VPS41: variants seen among roughly 807,000 people sequenced by gnomAD.
VPS41 encodes vacuolar protein sorting-associated protein 41 homolog.
VPS41 carries 85 observed loss-of-function variants against 130.9 expected under a neutral mutation model. That is an observed-to-expected ratio of 0.65 (90% CI 0.55 to 0.78). The LOEUF (loss-of-function observed/expected upper bound fraction) is 0.78, where lower values mean the gene tolerates loss of function less well. VPS41 is among the 30% of genes least tolerant of loss of function. The pLI is 0.00. For synonymous variants in VPS41, 335 were observed against 332.9 expected, an observed-to-expected ratio of 1.01 and a Z score of -0.07; for missense variants, 874 against 1,018.7, an observed-to-expected ratio of 0.86 and a Z score of 1.93.
intron 27 of VPS41, 96 bp downstream of exon 27, chr7:38,728,446 A>G (rs770270509): frequency 5.3e-6 from 7 of 1,308,836 alleles, no homozygotes; most frequent in South Asian, 3.5e-5. Flanking sequence ...TGAAAGTTAT[A>G]TAGTTTTATA....
At chr7:38,874,338 TG>T (rs1224228378) in intron 2 of VPS41, among the ~76,000 whole-genome samples, 1 of 152,140 alleles carries the variant, frequency 6.6e-6, no homozygotes, top group Admixed American at 6.5e-5. Context: ...AAATCCATTT[TG>T]TTTTGTTTTT....
intron 10 of VPS41, among the ~76,000 whole-genome samples, chr7:38,784,293 A>G (rs935267325): frequency 6.6e-6 from 1 of 152,142 alleles, no homozygotes; most frequent in African/African-American, 2.4e-5. Flanking sequence ...GGAAGATAAG[A>G]GAAGTAGGAA....
intron 1 of VPS41, among the ~76,000 whole-genome samples, chr7:38,905,741 T>C (rs779591640): frequency 8.5e-5 from 13 of 152,224 alleles, no homozygotes; most frequent in Non-Finnish European, 1.8e-4. Context: ...TGCCAAGTTT[T>C]CTAAAAAGTT....
In VPS41 at chr7:38,726,102, C is replaced by G; in HGVS notation, c.*144G>C. 1.6e-6 allele frequency: 1 copy of G among 628,936 alleles called. No individual in the cohort carries two copies. The highest frequency in any genetic ancestry group is 2.8e-6 in the Non-Finnish European group (1 of 354,960). 39.0% of individuals were successfully genotyped at this position (628,936 alleles called of 1,614,324 possible). ...GAACTGCAAAGAGAAACCATTAGTACAGGAATAGATGAAGAAATTGTTTTT... is the reference window on the plus strand; with the variant it reads ...GAACTGCAAAGAGAAACCATTAGTAGAGGAATAGATGAAGAAATTGTTTTT... On this transcript the variant is annotated 3_prime_UTR_variant, in exon 29 of 29. Transcript: ENST00000310301.
intron 4 of VPS41, among the ~76,000 whole-genome samples, chr7:38,851,358 C>T (rs1249627810): frequency 1.3e-5 from 2 of 152,206 alleles, no homozygotes; most frequent in Non-Finnish European, 2.9e-5. Context: ...CACTGATCTG[C>T]TTTCTTTGAC....
intron 7 of VPS41, among the ~76,000 whole-genome samples, chr7:38,817,370 G>A (rs1048672273): frequency 1.4e-4 from 21 of 152,280 alleles, no homozygotes; most frequent in Middle Eastern, 3.4e-3. Flanking sequence ...TTGGGAGGCC[G>A]AGGAGAGCAG....
intron 2 of VPS41, among the ~76,000 whole-genome samples, chr7:38,872,359 T>C (rs1289285165): frequency 6.6e-6 from 1 of 152,202 alleles, no homozygotes; most frequent in Non-Finnish European, 1.5e-5. Context: ...ATTTCTACAA[T>C]ATCCTTTCAG....
intron 22 of VPS41, among the ~76,000 whole-genome samples, chr7:38,746,538 T>C (rs1485607504): frequency 6.6e-6 from 1 of 151,900 alleles, no homozygotes; most frequent in Middle Eastern, 3.2e-3. Flanking sequence ...TATTCCACGA[T>C]TAGAGTAACA....
In VPS41 at chr7:38,795,559, C is replaced by T. The variant is rs758146217; in HGVS notation, c.623G>A (p.Arg208Gln). The T allele has an allele frequency of 7.8e-5, 126 of 1,613,110 alleles. No homozygotes were observed. Among genetic ancestry groups the T allele is most frequent in the Non-Finnish European group, 1.1e-4 (124 of 1,179,470 alleles). Residue 208 changes from arginine to glutamine, a missense_variant, in exon 9 of 29, where the codon CGG becomes CAG. Physicochemically the swap from Arg to Gln is conservative, Grantham distance 43. Transcript: ENST00000310301. Reference protein sequence around the residue: ...ISKQRITNVPRDDISLRPDMY... With the variant: ...ISKQRITNVPQDDISLRPDMY... ...GTCTGGGCGAAGACTTATATCATCC[C>T]GGGGCACATTGGTGATTCTTTGCTT... is the stretch of plus-strand genomic sequence containing the variant.
chr7:38,728,204 A>G lies in VPS41; in HGVS notation c.2404+338T>C, dbSNP rs1424288073. 8 of 479,666 alleles carry G rather than the reference A, an allele frequency of 1.7e-5. No homozygotes were observed. In the East Asian group the frequency reaches 2.8e-4, roughly 17 times the overall value. The allele number at this position is 479,666 out of a possible 1,614,324, so 29.7% of individuals were successfully genotyped here. Reference sequence around the variant, plus strand: ...AAAGAAGGGCCCCTGAACCAGTGGCATCAACATTACCTGGGAACTTGTTAG... The same window carrying G: ...AAAGAAGGGCCCCTGAACCAGTGGCGTCAACATTACCTGGGAACTTGTTAG... On this transcript the variant is annotated intron_variant, in intron 27 of 28. Transcript: ENST00000310301.
chr7:38,765,754 G>A, intron 15 of VPS41, 93 bp from the exon 16 acceptor site: 3 of 762,560 alleles, frequency 3.9e-6, no homozygotes, highest in Non-Finnish European at 6.2e-6. Context: ...TTCCCCAGAG[G>A]TTTAGAGAAA....
chr7:38,768,175 T>C (rs1419536848), intron 14 of VPS41, among the ~76,000 whole-genome samples: 2 of 152,228 alleles, frequency 1.3e-5, no homozygotes, highest in African/African-American at 2.4e-5. Context: ...TATTCATGTT[T>C]ATTCGCTTAT....
At chr7:38,836,190 C>G (rs1785489793) in intron 4 of VPS41, among the ~76,000 whole-genome samples, 1 of 151,868 alleles carries the variant, frequency 6.6e-6, no homozygotes, top group Non-Finnish European at 1.5e-5. Context: ...CTATATTACT[C>G]AAATTCTTTT....
chr7:38,844,434 G>C (rs1271435619), intron 4 of VPS41, among the ~76,000 whole-genome samples: 2 of 152,114 alleles, frequency 1.3e-5, no homozygotes, highest in East Asian at 1.9e-4. Flanking sequence ...GGAAACTTTA[G>C]CCACTTAAAC....
At position 38,870,739 on chromosome 7, in the gene VPS41, CAAAAAAAAAAAA is replaced by C. The variant is rs70977434; in HGVS notation, c.61-1498_61-1487del. ...TTTAAAATAACTATGACTATATGTT[CAAAAAAAAAAAA>C]AAAAAAAAAAAAACAGAAAAAGACA... On this transcript the variant is annotated intron_variant, in intron 2 of 28. Transcript: ENST00000310301. Among the ~76,000 whole-genome samples, 18 of 29,746 alleles carry C rather than the reference CAAAAAAAAAAAA, an allele frequency of 6.1e-4. No homozygotes were observed. The South Asian group carries it at 0.011, about 18-fold the overall frequency. 19.5% of individuals were successfully genotyped at this position (29,746 alleles called of 152,430 possible). A position where few individuals can be genotyped will look rare whatever the true frequency, so the allele number is the denominator to read the frequency against.
At chr7:38,765,723 G>A (rs1228498137) in intron 15 of VPS41, 62 bp from the exon 16 acceptor site, 1 of 1,077,068 alleles carries the variant, frequency 9.3e-7, no homozygotes, top group Non-Finnish European at 1.4e-6. Flanking sequence ...AAAACAAACA[G>A]AGACAGAATA....
chr7:38,802,303 G>A (rs1784744399), intron 7 of VPS41, among the ~76,000 whole-genome samples: 1 of 152,154 alleles, frequency 6.6e-6, no homozygotes, highest in Non-Finnish European at 1.5e-5. Context: ...TCTCTCGCAT[G>A]TGGCCTGCTT....
intron 4 of VPS41, among the ~76,000 whole-genome samples, chr7:38,849,295 C>A (rs1785797951): frequency 6.6e-6 from 1 of 151,982 alleles, no homozygotes; most frequent in Admixed American, 6.5e-5. Context: ...CTTCTGAAGC[C>A]CCAGTGGGGG....
rs557268467 is a variant in VPS41, at chr7:38,861,357, C to T, written c.246+1188G>A. Reference sequence around the variant, plus strand: ...ACAACACCACAAAAACGACACCTGGCCCAGTACCAGGTACACATTTTAATG... The same window carrying T: ...ACAACACCACAAAAACGACACCTGGTCCAGTACCAGGTACACATTTTAATG... On this transcript the variant is annotated intron_variant, in intron 4 of 28. Coordinates refer to ENST00000310301, the MANE Select transcript of VPS41 (RefSeq NM_014396.4). Among the ~76,000 whole-genome samples, 7 of 152,260 alleles carry T rather than the reference C, an allele frequency of 4.6e-5. No homozygotes were observed. In the South Asian group the frequency reaches 1.5e-3, roughly 32 times the overall value.
Sources: gnomAD v4.1 joint callset for allele counts (sites outside exome capture counted in the v4.1 genomes callset) on GRCh38, gnomAD v4.1.1 for gene constraint, MANE v1.5 for transcripts, NCBI Gene and HGNC (gene_info 2026-07-23, HGNC 2026-07-21) for gene names.